The following VEPH1 variants were observed in gnomAD, a reference collection of about 807,000 sequenced individuals.
VEPH1 encodes the protein ventricular zone expressed PH domain containing 1.
A neutral mutation model predicts 85.2 loss-of-function variants in VEPH1; 80 were observed. The observed-to-expected ratio is 0.94, with a 90% CI of 0.78 to 1.13. The LOEUF is 1.13. Ranked by LOEUF, VEPH1 falls within the 50% of genes most tolerant of loss-of-function variation. VEPH1 has a pLI of 0.00. For missense variants in VEPH1, 955 were observed against 980.5 expected, an observed-to-expected ratio of 0.97 and a Z score of 0.35; for synonymous variants, 297 against 348.0, an observed-to-expected ratio of 0.85 and a Z score of 1.63.
At chr3:157,488,707 G>T (rs185063700) in intron 2 of VEPH1, among the ~76,000 whole-genome samples, 1 of 151,844 alleles carries the variant, frequency 6.6e-6, no homozygotes, top group Admixed American at 6.6e-5. Context: ...TCCTGCTCCA[G>T]ACTCATACAT....
rs1712754043 is a variant in VEPH1, at chr3:157,260,675, T to G, written c.*459A>C. The G allele has an allele frequency of 6.5e-6, 1 of 153,998 alleles. No homozygotes were observed. Among genetic ancestry groups the G allele is most frequent in the Admixed American group, 6.5e-5 (1 of 15,486 alleles). The allele number at this position is 153,998 out of a possible 1,614,324, so 9.5% of individuals were successfully genotyped here. A position where few individuals can be genotyped will look rare whatever the true frequency, so the allele number is the denominator to read the frequency against. On this transcript the variant is annotated 3_prime_UTR_variant, in exon 14 of 14. Transcript: ENST00000362010. Reference sequence around the variant, plus strand: ...ATGGTTTTTCTCAGTGTACATTAGTTCAACGTTTCTAAAGGTTTTTTTTTT... The same window carrying G: ...ATGGTTTTTCTCAGTGTACATTAGTGCAACGTTTCTAAAGGTTTTTTTTTT...
intron 1 of VEPH1, among the ~76,000 whole-genome samples, chr3:157,500,964 T>TAAA (rs1013124330): frequency 6.6e-6 from 1 of 152,120 alleles, no homozygotes; most frequent in Admixed American, 6.5e-5. Flanking sequence ...GGAGATGATA[T>TAAA]AAAACATTTA....
chr3:157,383,943 T>C (rs1032896248), intron 6 of VEPH1, among the ~76,000 whole-genome samples: 1 of 152,194 alleles, frequency 6.6e-6, no homozygotes, highest in African/African-American at 2.4e-5. Context: ...CATGTGTGAA[T>C]TCATGATATG....
rs1341394973 is a variant in VEPH1 at position 157,475,986 on chromosome 3, T to G, written c.139-5457A>C. The stretch of plus-strand genomic sequence containing the variant: ...GGATTGGACATAAAGTATAAACATC[T>G]TTTATGTTCATGGGAATATTCACTA... On this transcript the variant is annotated intron_variant, in intron 2 of 13. Coordinates refer to ENST00000362010, the MANE Select transcript of VEPH1 (RefSeq NM_001167912.2). Among the ~76,000 whole-genome samples, 19 of 152,216 alleles carry G rather than the reference T, an allele frequency of 1.2e-4. 1 individual carries two copies. The highest frequency in any genetic ancestry group is 1.2e-3 in the Admixed American group (19 of 15,282).
intron 9 of VEPH1, among the ~76,000 whole-genome samples, chr3:157,361,912 T>C (rs1726086427): frequency 6.6e-6 from 1 of 152,228 alleles, no homozygotes; most frequent in Non-Finnish European, 1.5e-5. Flanking sequence ...AAATTGTAAT[T>C]AGGGACAGGA....
At chr3:157,368,570 C>A (rs1727005480) in intron 7 of VEPH1, among the ~76,000 whole-genome samples, 1 of 152,048 alleles carries the variant, frequency 6.6e-6, no homozygotes, top group Non-Finnish European at 1.5e-5. Flanking sequence ...TGGCTCACTG[C>A]AAGCTCTGCT....
chr3:157,380,972 T>G (rs1209664079), intron 7 of VEPH1, 184 bp downstream of exon 7: 4 of 620,540 alleles, frequency 6.4e-6, no homozygotes, highest in Non-Finnish European at 1.1e-5. Flanking sequence ...TATTGTTTTG[T>G]TACATTCTGG....
In VEPH1 at chr3:157,265,659, A is replaced by G. The variant is rs1713540107; in HGVS notation, c.2132T>C (p.Val711Ala). The G allele has an allele frequency of 1.2e-6, 2 of 1,612,818 alleles. No individual in the cohort carries two copies. Among genetic ancestry groups the G allele is most frequent in the Non-Finnish European group, 1.7e-6 (2 of 1,179,468 alleles). ...TATGAGAGGCTGGCCATCTTGATTTACAACTGTTGAAGGTAGCAGAATAAT... is the reference window on the plus strand; with the variant it reads ...TATGAGAGGCTGGCCATCTTGATTTGCAACTGTTGAAGGTAGCAGAATAAT... ...MCNNPEKATV[V>A]NQDGQPLIEG... The change falls in exon 13 of 14, where the codon GTA becomes GCA. Residue 711 changes from valine to alanine, a missense_variant. By Grantham distance (64) the Val-to-Ala change is moderately conservative. Coordinates refer to ENST00000362010, the MANE Select transcript of VEPH1 (RefSeq NM_001167912.2).
chr3:157,450,696 T>C lies in VEPH1; in HGVS notation c.529+9485A>G, dbSNP rs570248987. On this transcript the variant is annotated intron_variant, in intron 4 of 13. Transcript: ENST00000362010. ...TTTGTTTTCATGAGCAAAGAGGTAC[T>C]GAATTTTATGAGATACTTTTTACTA... Among the ~76,000 whole-genome samples, 6 of 152,232 alleles carry C rather than the reference T, an allele frequency of 3.9e-5. No homozygotes were observed. In the South Asian group the frequency reaches 1.2e-3, roughly 32 times the overall value.
At chr3:157,335,930 GC>G (rs1722923495) in intron 9 of VEPH1, among the ~76,000 whole-genome samples, 1 of 152,112 alleles carries the variant, frequency 6.6e-6, no homozygotes, top group Admixed American at 6.6e-5. Context: ...AGCCCACTAG[GC>G]ACCATGGCTA....
intron 5 of VEPH1, among the ~76,000 whole-genome samples, chr3:157,424,357 A>T (rs1577621743): frequency 6.6e-6 from 1 of 152,198 alleles, no homozygotes; most frequent in African/African-American, 2.4e-5. Flanking sequence ...AGCAGCATGA[A>T]AATGGACTAA....
chr3:157,409,519 T>G, intron 6 of VEPH1: 1 of 695,508 alleles, frequency 1.4e-6, no homozygotes, highest in Non-Finnish European at 1.8e-6. Flanking sequence ...CATGGCTTTA[T>G]TTAAGTTTGG....
chr3:157,358,742 C>A (rs1266375480), intron 9 of VEPH1, among the ~76,000 whole-genome samples: 1 of 152,052 alleles, frequency 6.6e-6, no homozygotes, highest in African/African-American at 2.4e-5. Flanking sequence ...AGAAAAAAAT[C>A]AACTTATCAC....
At chr3:157,270,285 GCAAAA>G (rs954662050) in intron 12 of VEPH1, among the ~76,000 whole-genome samples, 8 of 148,240 alleles carry the variant, frequency 5.4e-5, no homozygotes, top group African/African-American at 1.3e-4. Context: ...AAAAAAAAAA[GCAAAA>G]CAAAACAAAA....
At chr3:157,279,052 G>T (rs906470041) in intron 12 of VEPH1, among the ~76,000 whole-genome samples, 5 of 152,104 alleles carry the variant, frequency 3.3e-5, no homozygotes, top group African/African-American at 4.8e-5. Context: ...TGATTTTGGG[G>T]TGCCTTAGAA....
rs531353222 is a variant in VEPH1, at chr3:157,487,169, A to C, written c.138+8043T>G. On this transcript the variant is annotated intron_variant, in intron 2 of 13. Coordinates refer to ENST00000362010, the MANE Select transcript of VEPH1 (RefSeq NM_001167912.2). Reference sequence around the variant, plus strand: ...ACAAAAAGTAAAGTAGTAAAGACTTAAAAAGAAATTAATAAGATTTTGAAA... The same window carrying C: ...ACAAAAAGTAAAGTAGTAAAGACTTCAAAAGAAATTAATAAGATTTTGAAA... Among the ~76,000 whole-genome samples the C allele has an allele frequency of 1.5e-4, 23 of 152,224 alleles. 1 individual carries two copies. Among genetic ancestry groups the C allele is most frequent in the African/African-American group, 4.3e-4 (18 of 41,568 alleles).
chr3:157,484,928 C>T (rs148804458), intron 2 of VEPH1, among the ~76,000 whole-genome samples: 1,677 of 152,224 alleles, frequency 0.011, 30 homozygotes, highest in African/African-American at 0.039. Context: ...TTTCTTTCAT[C>T]TATGCTAAGA....
At chr3:157,460,481 G>T in intron 3 of VEPH1, 126 bp from the exon 4 acceptor site, 2 of 1,222,370 alleles carry the variant, frequency 1.6e-6, no homozygotes, top group Non-Finnish European at 2.2e-6. Context: ...CACAGGCCTT[G>T]CCCTGTTTAT....
chr3:157,418,982 C>T (rs1464709388), intron 5 of VEPH1, among the ~76,000 whole-genome samples: 2 of 152,050 alleles, frequency 1.3e-5, no homozygotes, highest in African/African-American at 4.8e-5. Context: ...CAAAAACAGA[C>T]ACATAGACGA....
Sources: gnomAD v4.1 joint callset for allele counts (sites outside exome capture counted in the v4.1 genomes callset) on GRCh38, gnomAD v4.1.1 for gene constraint, MANE v1.5 for transcripts, NCBI Gene and HGNC (gene_info 2026-07-23, HGNC 2026-07-21) for gene names.